The following SPAG16 variants were observed in gnomAD, a reference collection of about 807,000 sequenced individuals.
The protein encoded by SPAG16 is sperm associated antigen 16.
A neutral mutation model predicts 80.4 loss-of-function variants in SPAG16; 86 were observed. That is an observed-to-expected ratio of 1.07 (90% confidence interval 0.90 to 1.28). The LOEUF is 1.28. Among genes scored for constraint, SPAG16 ranks in the 50% most tolerant of loss-of-function variants. The pLI is 0.00. For synonymous variants in SPAG16, 294 were observed against 265.9 expected (o/e 1.11, Z -1.03); for missense variants, 870 against 765.3 (o/e 1.14, Z -1.61).
chr2:213,921,042 C>T (rs1480226586), intron 11 of SPAG16, among the ~76,000 whole-genome samples: 3 of 152,202 alleles, frequency 2.0e-5, no homozygotes, highest in African/African-American at 7.2e-5. Flanking sequence ...AATTAGTCCC[C>T]TGCCTGGTAG....
intron 1 of SPAG16, chr2:213,285,940 T>C (rs772970710): frequency 2.3e-6 from 3 of 1,285,250 alleles, no homozygotes; most frequent in Non-Finnish European, 1.0e-6. Context: ...TCTTGTAATT[T>C]TGTTTGCATT....
intron 10 of SPAG16, among the ~76,000 whole-genome samples, chr2:213,529,076 G>A (rs1240461784): frequency 6.6e-6 from 1 of 152,056 alleles, no homozygotes; most frequent in Non-Finnish European, 1.5e-5. Flanking sequence ...TTCTTTGTAG[G>A]ATTTAATTTT....
intron 15 of SPAG16, among the ~76,000 whole-genome samples, chr2:214,258,490 T>TAC (rs1553539148): frequency 1.2e-3 from 175 of 147,466 alleles, no homozygotes; most frequent in Middle Eastern, 3.5e-3. Flanking sequence ...TATATATATA[T>TAC]ACACACACAC....
intron 9 of SPAG16, among the ~76,000 whole-genome samples, chr2:213,489,092 A>G (rs1474988748): frequency 6.6e-6 from 1 of 152,000 alleles, no homozygotes; most frequent in African/African-American, 2.4e-5. Context: ...AAAAAAAAAA[A>G]AAAAAGATTT....
At chr2:214,071,488 GA>G (rs1234823146) in intron 13 of SPAG16, among the ~76,000 whole-genome samples, 3 of 152,010 alleles carry the variant, frequency 2.0e-5, no homozygotes, top group African/African-American at 4.8e-5. Context: ...AGGAGAAAAA[GA>G]AAAAATAATG....
At chr2:214,393,563 A>G (rs899346737) in intron 15 of SPAG16, among the ~76,000 whole-genome samples, 2 of 150,912 alleles carry the variant, frequency 1.3e-5, no homozygotes, top group Non-Finnish European at 3.0e-5. Context: ...TATATAAAAT[A>G]TAATTAATGA....
intron 12 of SPAG16, among the ~76,000 whole-genome samples, chr2:214,012,002 G>T (rs902916533): frequency 2.6e-5 from 4 of 151,778 alleles, no homozygotes; most frequent in Admixed American, 6.6e-5. Flanking sequence ...CAGGATCACC[G>T]AGTGCATCAG....
intron 15 of SPAG16, among the ~76,000 whole-genome samples, chr2:214,226,586 T>C (rs1157195722): frequency 6.6e-6 from 1 of 152,176 alleles, no homozygotes; most frequent in Non-Finnish European, 1.5e-5. Flanking sequence ...GACCTTTTGT[T>C]GTTCACCAAA....
chr2:214,076,056 G>A (rs1049447591), intron 13 of SPAG16, among the ~76,000 whole-genome samples: 1 of 152,046 alleles, frequency 6.6e-6, no homozygotes, highest in African/African-American at 2.4e-5. Flanking sequence ...ATATTTAAAT[G>A]TATATTTGAC....
chr2:214,384,047 G>A lies in SPAG16; in HGVS notation c.1721-26093G>A, dbSNP rs149282045. ...GACCCAGAACGCTTATGATAGCATTGTTATTTTGAATATGAGCTACTAAAG... is the reference window on the plus strand; with the variant it reads ...GACCCAGAACGCTTATGATAGCATTATTATTTTGAATATGAGCTACTAAAG... On this transcript the variant is annotated intron_variant, in intron 15 of 15. Coordinates refer to ENST00000331683, the MANE Select transcript of SPAG16 (RefSeq NM_024532.5). Among the ~76,000 whole-genome samples, 1,244 of 152,268 alleles carry A rather than the reference G, an allele frequency of 8.2e-3. 6 individuals carry two copies. The highest frequency in any genetic ancestry group is 0.012 in the Admixed American group (190 of 15,296).
At chr2:214,222,119 T>C (rs916276706) in intron 15 of SPAG16, among the ~76,000 whole-genome samples, 1 of 144,270 alleles carries the variant, frequency 6.9e-6, no homozygotes, top group Admixed American at 6.9e-5. Context: ...TCTTTTTTTT[T>C]TTTTTTTTTT....
At chr2:213,479,094 C>CT (rs148476714) in intron 9 of SPAG16, among the ~76,000 whole-genome samples, 12,739 of 94,412 alleles carry the variant, frequency 0.13, 1,297 homozygotes, top group South Asian at 0.18. Flanking sequence ...CACTGGCTTC[C>CT]TTTTTTTTTT....
At chr2:213,507,276 G>A (rs914510700) in intron 10 of SPAG16, among the ~76,000 whole-genome samples, 2 of 152,178 alleles carry the variant, frequency 1.3e-5, no homozygotes, top group Non-Finnish European at 2.9e-5. Context: ...TCCATCACTG[G>A]TGTCTCTGAG....
At chr2:214,319,012 C>A (rs1695891718) in intron 15 of SPAG16, among the ~76,000 whole-genome samples, 1 of 152,074 alleles carries the variant, frequency 6.6e-6, no homozygotes, top group South Asian at 2.1e-4. Context: ...CTGCTAGAAA[C>A]CCTTCTAAAG....
intron 10 of SPAG16, among the ~76,000 whole-genome samples, chr2:213,811,654 A>G (rs1047894461): frequency 6.6e-6 from 1 of 152,198 alleles, no homozygotes; most frequent in African/African-American, 2.4e-5. Flanking sequence ...AATAAGGAGC[A>G]TTGTCCCAAC....
intron 15 of SPAG16, among the ~76,000 whole-genome samples, chr2:214,166,009 ATAAAT>A (rs749607385): frequency 3.1e-4 from 47 of 152,338 alleles, no homozygotes; most frequent in Non-Finnish European, 5.9e-4. Context: ...TTATCTGAAA[ATAAAT>A]TAAATGTCTA....
At position 213,504,684 on chromosome 2, in the gene SPAG16, C is replaced by T. The variant is rs79212720; in HGVS notation, c.1070+14594C>T. On this transcript the variant is annotated intron_variant, in intron 10 of 15. Transcript: ENST00000331683. ...GCAATTGGAAACCATAAAATAATGG[C>T]AAGCTGCTAGGCTATAAAACTGTAT... is the stretch of plus-strand genomic sequence containing the variant. Among the ~76,000 whole-genome samples, 1,325 of 152,198 alleles carry T rather than the reference C, an allele frequency of 8.7e-3. 13 individuals carry two copies. The highest frequency in any genetic ancestry group is 0.015 in the Non-Finnish European group (1,015 of 68,008).
chr2:213,400,223 T>G (rs1366065500), intron 9 of SPAG16, among the ~76,000 whole-genome samples: 1 of 152,180 alleles, frequency 6.6e-6, no homozygotes, highest in East Asian at 1.9e-4. Context: ...TTTTCCAGCT[T>G]CTTAAGTTGA....
intron 15 of SPAG16, among the ~76,000 whole-genome samples, chr2:214,213,042 G>A (rs1876837): frequency 2.6e-5 from 4 of 152,214 alleles, no homozygotes; most frequent in African/African-American, 9.6e-5. Flanking sequence ...GTGTATTCCC[G>A]TCATCTGCTG....
Sources: allele counts gnomAD v4.1 joint callset (sites outside exome capture counted in the v4.1 genomes callset), GRCh38; gene constraint gnomAD v4.1.1; transcripts MANE v1.5; gene names NCBI Gene and HGNC (gene_info 2026-07-23, HGNC 2026-07-21).